The following RINL variants were observed in gnomAD, a reference collection of about 807,000 sequenced individuals.
RINL encodes the protein Ras and Rab interactor like, also known as ras and Rab interactor-like protein.
A neutral mutation model predicts 58.1 loss-of-function variants in RINL; 39 were observed. The observed-to-expected ratio is 0.67, with a 90% CI of 0.52 to 0.88. The LOEUF (loss-of-function observed/expected upper bound fraction) is 0.88, where lower values mean the gene tolerates loss of function less well. Ranked by LOEUF, RINL falls within the 40% of genes least tolerant of loss-of-function variation. RINL has a pLI of 0.00. For synonymous variants in RINL, 286 were observed against 323.1 expected (o/e 0.89, Z 1.23); for missense variants, 711 against 749.2 (o/e 0.95, Z 0.60).
chr19:38,875,380 A>C (rs1309704560), intron 3 of RINL, among the ~76,000 whole-genome samples: 2 of 151,676 alleles, frequency 1.3e-5, no homozygotes, highest in Non-Finnish European at 2.9e-5. Flanking sequence ...ATCAGTTGTG[A>C]AAACCTTTAT....
Position 38,870,466 on chromosome 19 carries a change from G to A in RINL, c.1024+104C>T, listed in dbSNP as rs1241334930. On this transcript the variant is annotated intron_variant, in intron 8 of 11. Coordinates refer to ENST00000591812, the MANE Select transcript of RINL (RefSeq NM_001195833.2). The surrounding 1 kb of genome is among the most constrained non-coding windows in gnomAD (Gnocchi z 5.8). ...GTGGGCGATAGAACGCGTGGGATGT[G>A]TAGGAAGGGCGTGTGGGTGCAGAAG... is the stretch of plus-strand genomic sequence containing the variant. 9 of 1,334,586 alleles carry A rather than the reference G, an allele frequency of 6.7e-6. No homozygotes were observed. The East Asian group carries it at 2.0e-4, about 30-fold the overall frequency. The allele number at this position is 1,334,586 out of a possible 1,614,324, so 82.7% of individuals were successfully genotyped here. A position where few individuals can be genotyped will look rare whatever the true frequency, so the allele number is the denominator to read the frequency against.
intron 4 of RINL, 131 bp from the exon 5 acceptor site, chr19:38,872,001 T>G: frequency 2.8e-6 from 2 of 703,186 alleles, no homozygotes; most frequent in Non-Finnish European, 5.1e-6. Context: ...GTTCCCACTC[T>G]TTGGAGTCTC....
rs1159623296 is a variant in RINL, at chr19:38,869,281, C to T, written c.1604G>A (p.Arg535Gln). The change falls in exon 11 of 12, where the codon CGG (arginine) becomes CAG (glutamine). Residue 535 changes from arginine to glutamine, a missense_variant. Coordinates refer to ENST00000591812, the MANE Select transcript of RINL (RefSeq NM_001195833.2). The surrounding 1 kb of genome is among the most constrained non-coding windows in gnomAD (Gnocchi z 5.7). ...GGGATGATCCTTTCTGTGCAGCGTCCGCCTGCGGTGCCACTGGTGCAGGGA... is the reference window on the plus strand; with the variant it reads ...GGGATGATCCTTTCTGTGCAGCGTCTGCCTGCGGTGCCACTGGTGCAGGGA... ...RASLHQWHRR[R>Q]TLHRKDHPRA... 1.9e-6 allele frequency: 3 copies of T among 1,614,112 alleles called. No homozygotes were observed. The highest frequency in any genetic ancestry group is 1.1e-5 in the South Asian group (1 of 91,086).
chr19:38,876,509 A>G lies in RINL; in HGVS notation c.51-19T>C, dbSNP rs1048483582. On this transcript the variant is annotated intron_variant, in intron 2 of 11. Coordinates refer to ENST00000591812, the MANE Select transcript of RINL (RefSeq NM_001195833.2). ...GACCAGCCTGGGATGGACAGTGTCC[A>G]GGGAGTCAGGGGTCAGAGGTGGGCA... 6.5e-7 allele frequency: 1 copy of G among 1,535,506 alleles called. No individual in the cohort carries two copies. The highest frequency in any genetic ancestry group is 8.7e-7 in the Non-Finnish European group (1 of 1,146,402).
Position 38,869,092 on chromosome 19 carries a change from G to A in RINL, c.*12C>T, listed in dbSNP as rs1972735493. ...TTGGGATTACAGGCATGAACGGAGG[G>A]GTGTGAAACCCCTAGTTGTCACTGG... is the stretch of plus-strand genomic sequence containing the variant. On this transcript the variant is annotated 3_prime_UTR_variant, in exon 12 of 12. Transcript: ENST00000591812. The surrounding 1 kb of genome is among the most constrained non-coding windows in gnomAD (Gnocchi z 5.7). 6.3e-7 allele frequency: 1 copy of A among 1,582,874 alleles called. No homozygotes were observed. The highest frequency in any genetic ancestry group is 8.6e-7 in the Non-Finnish European group (1 of 1,161,008).
At position 38,871,474 on chromosome 19, in the gene RINL, C is replaced by T. The variant is rs149212043; in HGVS notation, c.451+173G>A. 1.3e-4 allele frequency: 90 copies of T among 696,784 alleles called. No individual in the cohort carries two copies. In the East Asian group the frequency reaches 2.1e-3, roughly 17 times the overall value. 43.2% of individuals were successfully genotyped at this position (696,784 alleles called of 1,614,324 possible). On this transcript the variant is annotated intron_variant, in intron 6 of 11. Coordinates refer to ENST00000591812, the MANE Select transcript of RINL (RefSeq NM_001195833.2). The stretch of plus-strand genomic sequence containing the variant: ...CTCTGTTAGGACCTAGGAATACAGG[C>T]CCCCATCCCCTCCTCCCTCTGGGAC...
At chr19:38,876,834 C>A in intron 1 of RINL, 53 bp from the exon 2 acceptor site, 1 of 1,038,016 alleles carries the variant, frequency 9.6e-7, no homozygotes, top group South Asian at 1.4e-5. Context: ...GGGTCATGTT[C>A]AAGATATTTA....
At position 38,868,943 on chromosome 19, in the gene RINL, G is replaced by A. The variant is rs1302252827; in HGVS notation, c.*161C>T. On this transcript the variant is annotated 3_prime_UTR_variant, in exon 12 of 12. Coordinates refer to ENST00000591812, the MANE Select transcript of RINL (RefSeq NM_001195833.2). Reference sequence around the variant, plus strand: ...TGAGTAGCTGGTACCACAGGAGTACGCCACCACGCCCGGCTAATTTTTGTT... The same window carrying A: ...TGAGTAGCTGGTACCACAGGAGTACACCACCACGCCCGGCTAATTTTTGTT... 8 of 627,692 alleles carry A rather than the reference G, an allele frequency of 1.3e-5. No homozygotes were observed. Among genetic ancestry groups the A allele is most frequent in the Admixed American group, 9.1e-5 (3 of 33,114 alleles). 38.9% of individuals were successfully genotyped at this position (627,692 alleles called of 1,614,324 possible).
In RINL at chr19:38,867,923, G is replaced by A. The variant is rs1972709274; in HGVS notation, c.*1181C>T. 6.6e-6 allele frequency: 1 copy of A among 152,008 alleles called. No homozygotes were observed. The highest frequency in any genetic ancestry group is 1.9e-4 in the East Asian group (1 of 5,192). The allele number at this position is 152,008 out of a possible 1,614,324, so 9.4% of individuals were successfully genotyped here. ...TTAAATCAAATATATTATTATTAAC[G>A]TTAACTTCACTTGTTTCTTTTTATT... On this transcript the variant is annotated 3_prime_UTR_variant, in exon 12 of 12. Coordinates refer to ENST00000591812, the MANE Select transcript of RINL (RefSeq NM_001195833.2).
intron 4 of RINL, 79 bp from the exon 5 acceptor site, chr19:38,871,949 C>T: frequency 1.8e-6 from 2 of 1,096,054 alleles, no homozygotes; most frequent in South Asian, 1.3e-5. Flanking sequence ...TCTTGCTCCT[C>T]CATTCCTTCA....
chr19:38,868,855 T>G lies in RINL; in HGVS notation c.*249A>C. On this transcript the variant is annotated 3_prime_UTR_variant, in exon 12 of 12. Transcript: ENST00000591812. ...CCTTCCCCTCCCCTCCTTCAGGCCTTTCTGCAGATGTCACCTCAGTGAGGC... is the reference window on the plus strand; with the variant it reads ...CCTTCCCCTCCCCTCCTTCAGGCCTGTCTGCAGATGTCACCTCAGTGAGGC... 2.4e-6 allele frequency: 1 copy of G among 413,076 alleles called. No individual in the cohort carries two copies. Among genetic ancestry groups the G allele is most frequent in the Non-Finnish European group, 4.4e-6 (1 of 227,832 alleles). 25.6% of individuals were successfully genotyped at this position (413,076 alleles called of 1,614,324 possible).
chr19:38,877,571 AC>A (rs1280539752), intron 1 of RINL, among the ~76,000 whole-genome samples: 5 of 152,206 alleles, frequency 3.3e-5, no homozygotes, highest in African/African-American at 1.2e-4. Flanking sequence ...AAAGAATTGT[AC>A]AGGAAACATC....
rs185542993 is a variant in RINL at position 38,869,732 on chromosome 19, G to A, written c.1343-28C>T. ...GGGAAAACCAGAGGAAAGGTCTTGA[G>A]ATGGATCCCCATCTCAAGGCGCGTA... On this transcript the variant is annotated intron_variant, in intron 9 of 11. Transcript: ENST00000591812. The surrounding 1 kb of genome is among the most constrained non-coding windows in gnomAD (Gnocchi z 5.7). The A allele has an allele frequency of 8.7e-4, 1,403 of 1,613,036 alleles. 10 individuals carry two copies. Among genetic ancestry groups the A allele is most frequent in the South Asian group, 1.5e-3 (136 of 91,010 alleles).
rs537814814 is a variant in RINL, at chr19:38,870,449, T to C, written c.1024+121A>G. 2 of 1,229,180 alleles carry C rather than the reference T, an allele frequency of 1.6e-6. No homozygotes were observed. Among genetic ancestry groups the C allele is most frequent in the East Asian group, 2.6e-5 (1 of 38,352 alleles). The allele number at this position is 1,229,180 out of a possible 1,614,324, so 76.1% of individuals were successfully genotyped here. ...TGAACTTGCGCGCATACGTGGGCGA[T>C]AGAACGCGTGGGATGTGTAGGAAGG... On this transcript the variant is annotated intron_variant, in intron 8 of 11. Coordinates refer to ENST00000591812, the MANE Select transcript of RINL (RefSeq NM_001195833.2). The surrounding 1 kb of genome is among the most constrained non-coding windows in gnomAD (Gnocchi z 5.8).
In RINL at chr19:38,870,890, T is replaced by C. The variant is rs755485365; in HGVS notation, c.704A>G (p.Glu235Gly). The C allele has an allele frequency of 1.2e-6, 2 of 1,604,820 alleles. No homozygotes were observed. Among genetic ancestry groups the C allele is most frequent in the Non-Finnish European group, 1.7e-6 (2 of 1,179,950 alleles). ...GPALASLLEE[E>G]EEDLEGKEEG... ...CTCCTTTCCTTCAAGGTCTTCCTCC[T>C]CCTCTTCCAGTAGGCTGGCGAGAGC... is the stretch of plus-strand genomic sequence containing the variant. Residue 235 changes from glutamate (E) to glycine (G), a missense_variant, in exon 8 of 12, where the codon GAG becomes GGG. By Grantham distance (98) the Glu-to-Gly change is moderately conservative. Transcript: ENST00000591812. This position sits in a 1 kb window ranked among gnomAD's most constrained non-coding sequence, Gnocchi z 5.8.
intron 3 of RINL, among the ~76,000 whole-genome samples, chr19:38,874,208 C>G (rs889507592): frequency 6.6e-6 from 1 of 152,150 alleles, no homozygotes; most frequent in African/African-American, 2.4e-5. Flanking sequence ...TGAGGGTGCT[C>G]TCGGCCCACT....
Position 38,868,973 on chromosome 19 carries a change from T to A in RINL, c.*131A>T. Reference sequence around the variant, plus strand: ...CACGCCCGGCTAATTTTTGTTTTTTTTTTTTTTTGGTAGATGGGGGTCCCA... The same window carrying A: ...CACGCCCGGCTAATTTTTGTTTTTTATTTTTTTTGGTAGATGGGGGTCCCA... On this transcript the variant is annotated 3_prime_UTR_variant, in exon 12 of 12. Coordinates refer to ENST00000591812, the MANE Select transcript of RINL (RefSeq NM_001195833.2). 1.2e-6 allele frequency: 1 copy of A among 804,676 alleles called. No homozygotes were observed. The highest frequency in any genetic ancestry group is 2.2e-5 in the South Asian group (1 of 46,026). 49.8% of individuals were successfully genotyped at this position (804,676 alleles called of 1,614,324 possible).
In RINL at chr19:38,875,879, CT is replaced by C. The variant is rs539561200; in HGVS notation, c.210+451del. Among the ~76,000 whole-genome samples, 561 of 152,138 alleles carry C rather than the reference CT, an allele frequency of 3.7e-3. 2 individuals carry two copies. Among genetic ancestry groups the C allele is most frequent in the Non-Finnish European group, 5.0e-3 (341 of 68,010 alleles). On this transcript the variant is annotated intron_variant, in intron 3 of 11. Coordinates refer to ENST00000591812, the MANE Select transcript of RINL (RefSeq NM_001195833.2). Reference sequence around the variant, plus strand: ...CTGCTGATCTAAAGCCAGCAGCTGCCTTTTTGGTTATGTTAGGAAGATAAAT... The same window carrying C: ...CTGCTGATCTAAAGCCAGCAGCTGCCTTTTGGTTATGTTAGGAAGATAAAT...
chr19:38,876,570 G>T (rs1568390029), intron 2 of RINL, 80 bp from the exon 3 acceptor site: 5 of 1,470,884 alleles, frequency 3.4e-6, no homozygotes, highest in Non-Finnish European at 2.8e-6. Flanking sequence ...GTACAGGAAG[G>T]GGCAGGCCCA....
Sources: gnomAD v4.1 joint callset for allele counts (sites outside exome capture counted in the v4.1 genomes callset) on GRCh38, gnomAD v4.1.1 for gene constraint, Gnocchi (gnomAD v3.1) non-coding constraint, MANE v1.5 for transcripts, NCBI Gene and HGNC (gene_info 2026-07-23, HGNC 2026-07-21) for gene names.